AUTS2: variants seen among roughly 807,000 people sequenced by gnomAD.
The protein encoded by AUTS2 is activator of transcription and developmental regulator AUTS2, also known as autism susceptibility gene 2 protein.
AUTS2 carries 17 observed loss-of-function variants against 112.4 expected under a neutral mutation model. The ratio of observed to expected loss-of-function variants is 0.15; its 90% CI spans 0.10 to 0.23. AUTS2 has a LOEUF of 0.23. Ranked by LOEUF, AUTS2 falls within the 10% of genes least tolerant of loss-of-function variation. The pLI is 1.00. For synonymous variants in AUTS2, 751 were observed against 702.7 expected, an observed-to-expected ratio of 1.07 and a Z score of -1.09; for missense variants, 1,510 against 1,701.6, an observed-to-expected ratio of 0.89 and a Z score of 1.98.
At chr7:69,800,239 C>G (rs1562891255) in intron 1 of AUTS2, among the ~76,000 whole-genome samples, 7 of 152,102 alleles carry the variant, frequency 4.6e-5, no homozygotes, top group Non-Finnish European at 1.0e-4. Context: ...TTAGGAAAGC[C>G]CCTACTCAAA....
At chr7:69,631,117 A>C (rs1794216189) in intron 1 of AUTS2, among the ~76,000 whole-genome samples, 1 of 152,066 alleles carries the variant, frequency 6.6e-6, no homozygotes, top group Non-Finnish European at 1.5e-5. Context: ...CTTTGGGTTG[A>C]GTGTTAAAGG....
chr7:70,024,174 T>A (rs954494981), intron 2 of AUTS2, among the ~76,000 whole-genome samples: 1 of 152,238 alleles, frequency 6.6e-6, no homozygotes, highest in Non-Finnish European at 1.5e-5. Context: ...TTTATTTTAA[T>A]GACAAACATT....
At chr7:69,877,347 T>C in intron 1 of AUTS2, among the ~76,000 whole-genome samples, 1 of 152,194 alleles carries the variant, frequency 6.6e-6, no homozygotes, top group East Asian at 1.9e-4. Context: ...GTTGGACAAA[T>C]CACTTAGAGT....
chr7:70,036,494 A>T (rs1364638989), intron 2 of AUTS2, among the ~76,000 whole-genome samples: 1 of 152,196 alleles, frequency 6.6e-6, no homozygotes, highest in Non-Finnish European at 1.5e-5. Context: ...TATTGTTTCT[A>T]TCATAGGAGA....
intron 1 of AUTS2, among the ~76,000 whole-genome samples, chr7:69,738,485 C>T (rs1787130173): frequency 6.6e-6 from 1 of 152,102 alleles, no homozygotes; most frequent in South Asian, 2.1e-4. Context: ...GAGTGGGCTG[C>T]CCTGAGGCCA....
intron 5 of AUTS2, among the ~76,000 whole-genome samples, chr7:70,669,097 C>T (rs75851896): frequency 0.019 from 2,900 of 152,276 alleles, 93 homozygotes; most frequent in African/African-American, 0.065. Context: ...CCCTACATGA[C>T]TTGAAAATGC....
intron 5 of AUTS2, among the ~76,000 whole-genome samples, chr7:70,492,085 C>T (rs1798270702): frequency 6.6e-6 from 1 of 152,120 alleles, no homozygotes; most frequent in Non-Finnish European, 1.5e-5. Flanking sequence ...TCCTCCACCC[C>T]ACCCCTCCCA....
At chr7:69,836,897 A>G (rs1791752378) in intron 1 of AUTS2, among the ~76,000 whole-genome samples, 1 of 152,194 alleles carries the variant, frequency 6.6e-6, no homozygotes, top group African/African-American at 2.4e-5. Flanking sequence ...AGCTCACTCT[A>G]GTGGGGGAAA....
chr7:70,302,119 A>G (rs1205851929), intron 4 of AUTS2, among the ~76,000 whole-genome samples: 1 of 152,146 alleles, frequency 6.6e-6, no homozygotes, highest in Non-Finnish European at 1.5e-5. Context: ...GCTTATAGAA[A>G]TTGCAATTAG....
At chr7:69,963,127 G>A (rs193146614) in intron 2 of AUTS2, among the ~76,000 whole-genome samples, 82 of 152,220 alleles carry the variant, frequency 5.4e-4, no homozygotes, top group Non-Finnish European at 1.0e-3. Context: ...GTGGGAAATG[G>A]AAGGAGAAGG....
In AUTS2 at chr7:70,273,667, T is replaced by TTCCA. The variant is rs1468390334; in HGVS notation, c.660+139097_660+139100dup. Among the ~76,000 whole-genome samples, 6 of 152,170 alleles carry TTCCA rather than the reference T, an allele frequency of 3.9e-5. No homozygotes were observed. In the East Asian group the frequency reaches 1.2e-3, roughly 29 times the overall value. ...CCCCTTGGTATACTGAGGGAATTGG[T>TTCCA]TCCAGTACCCCCTCACCTTCACCCC... On this transcript the variant is annotated intron_variant, in intron 4 of 18. Transcript: ENST00000342771.
chr7:69,848,643 C>T (rs1007101094), intron 1 of AUTS2, among the ~76,000 whole-genome samples: 5 of 152,154 alleles, frequency 3.3e-5, no homozygotes, highest in Admixed American at 6.5e-5. Flanking sequence ...CTCTGCTCTG[C>T]GTGCATCTCT....
chr7:70,118,567 T>C (rs535024543), intron 3 of AUTS2: 1 of 169,494 alleles, frequency 5.9e-6, no homozygotes. Flanking sequence ...TCACCTGAGG[T>C]TGGAAGTTTG....
At chr7:70,499,931 T>C (rs1160164063) in intron 5 of AUTS2, among the ~76,000 whole-genome samples, 1 of 152,176 alleles carries the variant, frequency 6.6e-6, no homozygotes, top group African/African-American at 2.4e-5. Context: ...ACTCCAGCTG[T>C]GTGCTGGGTT....
intron 4 of AUTS2, among the ~76,000 whole-genome samples, chr7:70,135,687 A>G (rs959797938): frequency 9.2e-5 from 14 of 152,176 alleles, no homozygotes; most frequent in Admixed American, 9.2e-4. Flanking sequence ...AATAGGAGAA[A>G]AAGTATAAGG....
At chr7:69,889,640 T>G (rs926482249) in intron 1 of AUTS2, among the ~76,000 whole-genome samples, 2 of 152,216 alleles carry the variant, frequency 1.3e-5, no homozygotes, top group Non-Finnish European at 2.9e-5. Flanking sequence ...GTCAGATTTT[T>G]TTTAAAAAGA....
rs932655367 is a variant in AUTS2, at chr7:69,771,205, T to G, written c.310-128081T>G. ...CTACCAAAGCACCCAGCGATCTTCC[T>G]GTATGTGAACTCACAGGTTTTTCTT... On this transcript the variant is annotated intron_variant, in intron 1 of 18. Transcript: ENST00000342771. 9.4e-4 allele frequency among the ~76,000 whole-genome samples: 143 copies of G among 152,372 alleles called. 1 individual carries two copies. Among genetic ancestry groups the G allele is most frequent in the Non-Finnish European group, 1.2e-4 (8 of 68,042 alleles).
At chr7:70,339,297 T>C (rs1464463571) in intron 4 of AUTS2, among the ~76,000 whole-genome samples, 16 of 152,230 alleles carry the variant, frequency 1.1e-4, no homozygotes, top group Admixed American at 9.8e-4. Flanking sequence ...TTATTATCTC[T>C]TTGCACCAGT....
intron 5 of AUTS2, among the ~76,000 whole-genome samples, chr7:70,674,632 C>T (rs1807820159): frequency 6.6e-6 from 1 of 152,230 alleles, no homozygotes; most frequent in Non-Finnish European, 1.5e-5. Context: ...TCCTCTGCCG[C>T]TGCACCACTT....
Sources: allele counts gnomAD v4.1 joint callset (sites outside exome capture counted in the v4.1 genomes callset), GRCh38; gene constraint gnomAD v4.1.1; transcripts MANE v1.5; gene names NCBI Gene and HGNC (gene_info 2026-07-23, HGNC 2026-07-21).